Variants in HAUS6 observed in about 807,000 individuals in gnomAD.
The protein encoded by HAUS6 is HAUS augmin like complex subunit 6.
In HAUS6, 80 loss-of-function variants were observed where a neutral mutation model predicts 106.8. The ratio of observed to expected loss-of-function variants is 0.75; its 90% confidence interval spans 0.63 to 0.90. HAUS6 has a LOEUF of 0.90. Ranked by LOEUF, HAUS6 falls within the 40% of genes least tolerant of loss-of-function variation. The probability of loss-of-function intolerance (pLI) is 0.00; values close to 1 mark genes in which losing one functional copy is unlikely to be tolerated. For synonymous variants in HAUS6, 356 were observed against 379.1 expected, an observed-to-expected ratio of 0.94 and a Z score of 0.71; for missense variants, 1,155 against 1,118.1, an observed-to-expected ratio of 1.03 and a Z score of -0.47.
intron 1 of HAUS6, among the ~76,000 whole-genome samples, chr9:19,099,698 G>C (rs188573667): frequency 6.6e-6 from 1 of 152,176 alleles, no homozygotes; most frequent in East Asian, 1.9e-4. Flanking sequence ...CTGGCCTCAA[G>C]CAATCTCCCA....
chr9:19,078,264 G>C lies in HAUS6; in HGVS notation c.1103C>G (p.Ser368Cys). 1 of 1,523,842 alleles carries C rather than the reference G, an allele frequency of 6.6e-7. No individual in the cohort carries two copies. Among genetic ancestry groups the C allele is most frequent in the Non-Finnish European group, 9.1e-7 (1 of 1,099,164 alleles). 94.4% of individuals were successfully genotyped at this position (1,523,842 alleles called of 1,614,324 possible). A position where few individuals can be genotyped will look rare whatever the true frequency, so the allele number is the denominator to read the frequency against. Residue 368 changes from serine (S) to cysteine (C), a missense_variant, in exon 10 of 17, where the codon TCT (serine) becomes TGT (cysteine). This residue lies in a region of HAUS6 where 761 missense variants were observed against 690.0 expected (regional missense o/e 1.10). Coordinates refer to ENST00000380502, the MANE Select transcript of HAUS6 (RefSeq NM_017645.5). ...IKDDLTTIRH[S>C]VVEKQGEWHK... ...CCATTCTCCTTGCTTTTCAACAACA[G>C]AATGTCTTATAGTTGTGAGATCATC...
chr9:19,053,666 C>A lies in HAUS6; in HGVS notation c.*2677G>T, dbSNP rs1303326999. Reference sequence around the variant, plus strand: ...AGCTGATGTATGTCAGTTTATATACCTTTGTATCTTACAAATAGTAAAACA... The same window carrying A: ...AGCTGATGTATGTCAGTTTATATACATTTGTATCTTACAAATAGTAAAACA... On this transcript the variant is annotated 3_prime_UTR_variant, in exon 17 of 17. Transcript: ENST00000380502. 1 of 152,056 alleles carries A rather than the reference C, an allele frequency of 6.6e-6. No homozygotes were observed. The highest frequency in any genetic ancestry group is 1.5e-5 in the Non-Finnish European group (1 of 67,978). The allele number at this position is 152,056 out of a possible 1,614,324, so 9.4% of individuals were successfully genotyped here.
At chr9:19,063,717 C>CA (rs763097881) in intron 12 of HAUS6, 137 bp from the exon 13 acceptor site, 9 of 777,992 alleles carry the variant, frequency 1.2e-5, no homozygotes, top group Non-Finnish European at 1.9e-5. Flanking sequence ...CATCAAAAGG[C>CA]AGTTTATTCT....
At chr9:19,099,535 G>C (rs547362841) in intron 1 of HAUS6, among the ~76,000 whole-genome samples, 1 of 152,144 alleles carries the variant, frequency 6.6e-6, no homozygotes, top group Non-Finnish European at 1.5e-5. Flanking sequence ...TACCATCATA[G>C]CTCACTGTAG....
At chr9:19,079,187 G>A (rs1164949155) in intron 9 of HAUS6, among the ~76,000 whole-genome samples, 3 of 146,500 alleles carry the variant, frequency 2.0e-5, no homozygotes, top group East Asian at 2.0e-4. Flanking sequence ...AAAAATACAC[G>A]AAACAATAAT....
intron 1 of HAUS6, among the ~76,000 whole-genome samples, chr9:19,097,310 G>C (rs558143348): frequency 3.3e-5 from 5 of 152,248 alleles, no homozygotes; most frequent in African/African-American, 1.2e-4. Context: ...AGAGTGAACA[G>C]GCAACCTACG....
Position 19,096,767 on chromosome 9 carries a change from T to C in HAUS6, c.131A>G (p.Asn44Ser). The C allele has an allele frequency of 1.4e-6, 2 of 1,437,152 alleles. No individual in the cohort carries two copies. The highest frequency in any genetic ancestry group is 1.3e-5 in the South Asian group (1 of 77,678). 89.0% of individuals were successfully genotyped at this position (1,437,152 alleles called of 1,614,324 possible). ...KIVSHTHLGVNMFDKLNRDAF... is the reference protein window; with the variant it reads ...KIVSHTHLGVSMFDKLNRDAF... ...ATCACGGTTCAGCTTGTCAAACATG[T>C]TCCTAGTGGTTAAAAATGAAATAGA... Residue 44 changes from asparagine to serine, a missense_variant and splice_region_variant, in exon 2 of 17, where the codon AAC becomes AGC. Coordinates refer to ENST00000380502, the MANE Select transcript of HAUS6 (RefSeq NM_017645.5).
Position 19,076,597 on chromosome 9 carries a change from C to G in HAUS6, c.1294+5G>C, listed in dbSNP as rs992114599. The G allele has an allele frequency of 2.9e-6, 4 of 1,391,794 alleles. No homozygotes were observed. In the African/African-American group the frequency reaches 5.7e-5, roughly 20 times the overall value. The allele number at this position is 1,391,794 out of a possible 1,614,324, so 86.2% of individuals were successfully genotyped here. The stretch of plus-strand genomic sequence containing the variant: ...CAAAGAGAAAAAAATAAATAAATAA[C>G]CAACCTGGAAGTGAAGCAGGATACT... On this transcript the variant is annotated splice_donor_5th_base_variant and intron_variant, in intron 11 of 16. Coordinates refer to ENST00000380502, the MANE Select transcript of HAUS6 (RefSeq NM_017645.5).
intron 11 of HAUS6, 125 bp downstream of exon 11, chr9:19,076,477 C>G: frequency 1.5e-6 from 1 of 664,394 alleles, no homozygotes; most frequent in Non-Finnish European, 2.7e-6. Flanking sequence ...TTTTATGTTA[C>G]ATGCATTTCA....
At chr9:19,057,892 T>A in intron 16 of HAUS6, 69 bp downstream of exon 16, 1 of 836,618 alleles carries the variant, frequency 1.2e-6, no homozygotes, top group Non-Finnish European at 1.9e-6. Context: ...ATTCTTTGTG[T>A]ACTGGTTTTA....
chr9:19,087,126 T>C lies in HAUS6; in HGVS notation c.615A>G (p.Arg205=), dbSNP rs1564017955. 1 of 1,542,230 alleles carries C rather than the reference T, an allele frequency of 6.5e-7. No individual in the cohort carries two copies. Among genetic ancestry groups the C allele is most frequent in the East Asian group, 2.2e-5 (1 of 44,540 alleles). ...QLSVKQVRNL[R]SECIGLENQI... ...GGTTTTCCAATCCTATACATTCAGATCTCAAGTTTCGTACCTGCTTAACTG... is the reference window on the plus strand; with the variant it reads ...GGTTTTCCAATCCTATACATTCAGACCTCAAGTTTCGTACCTGCTTAACTG... Residue 205 remains arginine (R), a synonymous_variant, in exon 6 of 17, where the codon AGA becomes AGG. Transcript: ENST00000380502.
At chr9:19,098,678 T>C (rs1817915224) in intron 1 of HAUS6, among the ~76,000 whole-genome samples, 1 of 151,940 alleles carries the variant, frequency 6.6e-6, no homozygotes, top group Non-Finnish European at 1.5e-5. Context: ...GCAAACCTTT[T>C]GGGCAAATAC....
In HAUS6 at chr9:19,080,540, G is replaced by A; in HGVS notation, c.1003C>T (p.His335Tyr). The change falls in exon 9 of 17, where the codon CAC (histidine) becomes TAC (tyrosine). Residue 335 changes from histidine to tyrosine, a missense_variant. Coordinates refer to ENST00000380502, the MANE Select transcript of HAUS6 (RefSeq NM_017645.5). ...AATTTGGTCTCTTTTTCAAGGTAGT[G>A]AAGGTCTACCGTCAATCTTGCTTGA... ...ADQARLTVDL[H>Y]YLEKETKFQK... 1 of 1,608,222 alleles carries A rather than the reference G, an allele frequency of 6.2e-7. No homozygotes were observed. Among genetic ancestry groups the A allele is most frequent in the Non-Finnish European group, 8.5e-7 (1 of 1,176,220 alleles).
chr9:19,060,108 G>T lies in HAUS6; in HGVS notation c.1745C>A (p.Pro582His). 6.2e-7 allele frequency: 1 copy of T among 1,606,070 alleles called. No individual in the cohort carries two copies. Among genetic ancestry groups the T allele is most frequent in the Non-Finnish European group, 8.5e-7 (1 of 1,176,268 alleles). ...SNPFLTRNQI[P>H]RTPENLITEI... The stretch of plus-strand genomic sequence containing the variant: ...CTTACTCAAGTTTTCTGGAGTACGG[G>T]GAATCTGATTCCTTGTTAAGAAGGG... Residue 582 changes from proline (P) to histidine (H), a missense_variant, in exon 15 of 17, where the codon CCC becomes CAC. Coordinates refer to ENST00000380502, the MANE Select transcript of HAUS6 (RefSeq NM_017645.5).
chr9:19,085,010 C>G (rs1021760325), intron 7 of HAUS6, among the ~76,000 whole-genome samples: 4 of 152,128 alleles, frequency 2.6e-5, no homozygotes, highest in Non-Finnish European at 4.4e-5. Context: ...ACACTGCAGC[C>G]TTGAGCTCCT....
At chr9:19,077,172 C>T (rs978608346) in intron 10 of HAUS6, among the ~76,000 whole-genome samples, 1 of 152,140 alleles carries the variant, frequency 6.6e-6, no homozygotes, top group African/African-American at 2.4e-5. Context: ...CAGAGTACAA[C>T]ATTAGGAGCA....
At chr9:19,077,391 C>T (rs540135299) in intron 10 of HAUS6, among the ~76,000 whole-genome samples, 24 of 152,166 alleles carry the variant, frequency 1.6e-4, no homozygotes, top group Admixed American at 1.1e-3. Flanking sequence ...AAAAATTAGC[C>T]GAGCGTGGTG....
rs1817818343 is a variant in HAUS6 at position 19,094,404 on chromosome 9, CAAAAAT to C, written c.225-15_225-10del. On this transcript the variant is annotated splice_polypyrimidine_tract_variant and intron_variant, in intron 2 of 16. Transcript: ENST00000380502. ...ATGGGGGCCAACAAAATCTGGAAAA[CAAAAAT>C]AAAAGCGTAAGGACTATGCACAACA... 5 of 1,533,862 alleles carry C rather than the reference CAAAAAT, an allele frequency of 3.3e-6. No homozygotes were observed. In the African/African-American group the frequency reaches 4.2e-5, roughly 13 times the overall value.
At chr9:19,065,746 CA>C (rs1416676226) in intron 12 of HAUS6, among the ~76,000 whole-genome samples, 2 of 151,894 alleles carry the variant, frequency 1.3e-5, no homozygotes, top group African/African-American at 4.8e-5. Flanking sequence ...GAGGCTGAAG[CA>C]AGAGAATCGC....
Sources: gnomAD v4.1 joint callset for allele counts (sites outside exome capture counted in the v4.1 genomes callset) on GRCh38, gnomAD v4.1.1 for gene constraint, gnomAD v4.1.1 regional missense constraint, MANE v1.5 for transcripts, NCBI Gene and HGNC (gene_info 2026-07-23, HGNC 2026-07-21) for gene names.